Variants in SLC4A4 observed in about 807,000 individuals in gnomAD.
SLC4A4 encodes electrogenic sodium bicarbonate cotransporter 1.
SLC4A4 carries 27 observed loss-of-function variants against 111.5 expected under a neutral mutation model. That is an observed-to-expected ratio of 0.24 (90% CI 0.18 to 0.33). The LOEUF (loss-of-function observed/expected upper bound fraction) is 0.33, where lower values mean the gene tolerates loss of function less well. SLC4A4 is among the 10% of genes least tolerant of loss of function. SLC4A4 has a pLI of 1.00. For missense variants in SLC4A4, 909 were observed against 1,315.5 expected, an observed-to-expected ratio of 0.69 and a Z score of 4.78; for synonymous variants, 443 against 463.4, an observed-to-expected ratio of 0.96 and a Z score of 0.57.
intron 5 of SLC4A4, among the ~76,000 whole-genome samples, chr4:71,356,785 C>T (rs546231379): frequency 6.6e-6 from 1 of 152,130 alleles, no homozygotes; most frequent in South Asian, 2.1e-4. Flanking sequence ...ATATCTGGGC[C>T]TGAAAAAACA....
At chr4:71,483,238 TG>T (rs1414626484) in intron 14 of SLC4A4, among the ~76,000 whole-genome samples, 15 of 151,652 alleles carry the variant, frequency 9.9e-5, no homozygotes, top group Admixed American at 9.9e-4. Flanking sequence ...ATGTGTGCCA[TG>T]GGGGGTTGTT....
At chr4:71,536,083 G>A (rs998546393) in intron 18 of SLC4A4, among the ~76,000 whole-genome samples, 2 of 152,002 alleles carry the variant, frequency 1.3e-5, no homozygotes, top group African/African-American at 4.8e-5. Flanking sequence ...AGATCATTGA[G>A]CTTCTCACAT....
At chr4:71,137,078 G>A (rs1157157741) in intron 2 of SLC4A4, among the ~76,000 whole-genome samples, 1 of 152,130 alleles carries the variant, frequency 6.6e-6, no homozygotes, top group Non-Finnish European at 1.5e-5. Context: ...TTACCAGTTT[G>A]TTCACCAACT....
At chr4:71,261,728 T>C (rs1342499311) in intron 3 of SLC4A4, among the ~76,000 whole-genome samples, 2 of 152,208 alleles carry the variant, frequency 1.3e-5, no homozygotes, top group Non-Finnish European at 2.9e-5. Flanking sequence ...TTTTACACTA[T>C]TCATTTCTTG....
intron 2 of SLC4A4, among the ~76,000 whole-genome samples, chr4:71,136,335 C>A (rs1743842295): frequency 6.6e-6 from 1 of 152,206 alleles, no homozygotes. Flanking sequence ...TCTCACTAAT[C>A]TTCTATAGGA....
chr4:71,442,430 A>C (rs1418458839), intron 8 of SLC4A4, among the ~76,000 whole-genome samples: 1 of 152,094 alleles, frequency 6.6e-6, no homozygotes. Context: ...GCATGTTAAC[A>C]TTTTTCCAGG....
In SLC4A4 at chr4:71,229,027, C is replaced by T. The variant is rs1719229783; in HGVS notation, c.-1-7549C>T. 2.0e-5 allele frequency among the ~76,000 whole-genome samples: 3 copies of T among 152,196 alleles called. No homozygotes were observed. The South Asian group carries it at 6.2e-4, about 32-fold the overall frequency. On this transcript the variant is annotated intron_variant, in intron 1 of 25. Coordinates refer to ENST00000264485, the MANE Select transcript of SLC4A4 (RefSeq NM_001098484.3). ...ATAAGATACTGAATAGAGCCAACCA[C>T]AGGGGTCCCTCGTGTTACCCTTGTT... is the stretch of plus-strand genomic sequence containing the variant.
intron 12 of SLC4A4, among the ~76,000 whole-genome samples, chr4:71,457,348 C>T (rs548656175): frequency 2.6e-5 from 4 of 152,208 alleles, no homozygotes; most frequent in South Asian, 4.2e-4. Flanking sequence ...ACTAGCTTGG[C>T]GTACACATTT....
intron 2 of SLC4A4, among the ~76,000 whole-genome samples, chr4:71,162,008 G>A (rs1744626697): frequency 6.6e-6 from 1 of 152,150 alleles, no homozygotes; most frequent in South Asian, 2.1e-4. Flanking sequence ...GAAATAATGA[G>A]TTTAATAATG....
chr4:71,249,152 C>T (rs1720884536), intron 2 of SLC4A4, among the ~76,000 whole-genome samples: 1 of 152,032 alleles, frequency 6.6e-6, no homozygotes, highest in African/African-American at 2.4e-5. Context: ...TATAAAATTC[C>T]CATGCAGTTC....
intron 1 of SLC4A4, among the ~76,000 whole-genome samples, chr4:71,199,953 C>T (rs904733242): frequency 5.3e-5 from 8 of 151,950 alleles, no homozygotes; most frequent in Non-Finnish European, 1.0e-4. Flanking sequence ...GTCCAGCCCA[C>T]GAGTCTTTTA....
intron 2 of SLC4A4, among the ~76,000 whole-genome samples, chr4:71,239,213 A>G (rs1720016147): frequency 6.6e-6 from 1 of 152,192 alleles, no homozygotes; most frequent in South Asian, 2.1e-4. Flanking sequence ...TGCTTCTAGG[A>G]TAAACATAGA....
chr4:71,239,888 G>A (rs1720073263), intron 2 of SLC4A4, among the ~76,000 whole-genome samples: 1 of 152,130 alleles, frequency 6.6e-6, no homozygotes, highest in South Asian at 2.1e-4. Flanking sequence ...ATTTTAAAAT[G>A]TCAGTATTTC....
intron 3 of SLC4A4, among the ~76,000 whole-genome samples, chr4:71,280,305 C>T (rs558395655): frequency 1.3e-5 from 2 of 152,102 alleles, no homozygotes; most frequent in East Asian, 1.9e-4. Context: ...TTCTTAACCC[C>T]GTATTAGATA....
intron 3 of SLC4A4, among the ~76,000 whole-genome samples, chr4:71,270,644 A>G (rs1380724230): frequency 6.6e-6 from 1 of 152,240 alleles, no homozygotes; most frequent in Non-Finnish European, 1.5e-5. Context: ...CTGAACTTAA[A>G]AACATCCCCT....
intron 7 of SLC4A4, among the ~76,000 whole-genome samples, chr4:71,438,337 G>A (rs1724359116): frequency 6.6e-6 from 1 of 152,296 alleles, no homozygotes; most frequent in East Asian, 1.9e-4. Context: ...TCCACACTTG[G>A]ACTTTGAAGA....
upstream of SLC4A4, among the ~76,000 whole-genome samples, chr4:71,185,462 TGA>T (rs1048840371): frequency 6.6e-6 from 1 of 152,228 alleles, no homozygotes; most frequent in African/African-American, 2.4e-5. Context: ...TCTTTGGTTT[TGA>T]GTTTCCCATG....
chr4:71,210,213 A>T (rs919617232), intron 1 of SLC4A4, among the ~76,000 whole-genome samples: 2 of 152,146 alleles, frequency 1.3e-5, no homozygotes, highest in Non-Finnish European at 2.9e-5. Context: ...ATAGTCAATG[A>T]TTGCTTCCTT....
intron 3 of SLC4A4, among the ~76,000 whole-genome samples, chr4:71,311,394 C>T (rs991972910): frequency 4.6e-5 from 7 of 152,138 alleles, no homozygotes; most frequent in African/African-American, 1.4e-4. Flanking sequence ...AATATACATT[C>T]TTCTGAGCAC....
Sources: allele counts gnomAD v4.1 joint callset (sites outside exome capture counted in the v4.1 genomes callset), GRCh38; gene constraint gnomAD v4.1.1; transcripts MANE v1.5; gene names NCBI Gene and HGNC (gene_info 2026-07-23, HGNC 2026-07-21).